ERI3: variants seen among roughly 807,000 people sequenced by gnomAD.
ERI3 encodes the protein ERI1 exoribonuclease family member 3, also known as ERI1 exoribonuclease 3.
In ERI3, 18 loss-of-function variants were observed where a neutral mutation model predicts 44.4. That is an observed-to-expected ratio of 0.41 (90% CI 0.28 to 0.60). The LOEUF is 0.60. ERI3 is among the 20% of genes least tolerant of loss of function. The probability of loss-of-function intolerance (pLI) is 0.36; values close to 1 mark genes in which losing one functional copy is unlikely to be tolerated. For synonymous variants in ERI3, 183 were observed against 164.8 expected, an observed-to-expected ratio of 1.11 and a Z score of -0.84; for missense variants, 294 against 435.5, an observed-to-expected ratio of 0.68 and a Z score of 2.89.
intron 2 of ERI3, among the ~76,000 whole-genome samples, chr1:44,345,862 C>A (rs1278242752): frequency 1.3e-5 from 2 of 152,186 alleles, no homozygotes; most frequent in Admixed American, 6.5e-5. Flanking sequence ...AAGGTTCACA[C>A]TGCAAGAAAT....
chr1:44,264,332 G>A (rs964258743), intron 7 of ERI3, among the ~76,000 whole-genome samples: 8 of 151,870 alleles, frequency 5.3e-5, no homozygotes, highest in South Asian at 2.1e-4. Flanking sequence ...CCGCCCACCC[G>A]CACACACCCA....
intron 7 of ERI3, among the ~76,000 whole-genome samples, chr1:44,262,723 G>A (rs757274929): frequency 3.2e-4 from 48 of 152,350 alleles, no homozygotes; most frequent in Non-Finnish European, 4.9e-4. Context: ...ACAATGCCTT[G>A]TGAGGTACAG....
At chr1:44,345,752 C>G (rs951389411) in intron 2 of ERI3, among the ~76,000 whole-genome samples, 1 of 152,214 alleles carries the variant, frequency 6.6e-6, no homozygotes. Context: ...AGAGCACTCT[C>G]TGTGTGAAAA....
intron 8 of ERI3, among the ~76,000 whole-genome samples, chr1:44,227,474 G>C (rs554543345): frequency 6.6e-6 from 1 of 152,316 alleles, no homozygotes; most frequent in Admixed American, 6.5e-5. Flanking sequence ...TGAGAGCAAA[G>C]TGCCAGTGCC....
At chr1:44,327,739 G>C (rs1329147796) in intron 3 of ERI3, among the ~76,000 whole-genome samples, 24 of 152,186 alleles carry the variant, frequency 1.6e-4, no homozygotes, top group Non-Finnish European at 1.5e-5. Context: ...TCTGGGACTT[G>C]GGCACATGCA....
chr1:44,299,484 C>A (rs963092865), intron 6 of ERI3, among the ~76,000 whole-genome samples: 1 of 152,110 alleles, frequency 6.6e-6, no homozygotes, highest in East Asian at 1.9e-4. Flanking sequence ...CTATACCAGA[C>A]CTCAATTTTT....
At chr1:44,346,222 T>C (rs918200347) in intron 2 of ERI3, among the ~76,000 whole-genome samples, 1 of 152,090 alleles carries the variant, frequency 6.6e-6, no homozygotes, top group Non-Finnish European at 1.5e-5. Context: ...CTCCCCCAAC[T>C]CAGAAGCAGC....
At chr1:44,281,932 ATTC>A (rs1645299656) in intron 7 of ERI3, among the ~76,000 whole-genome samples, 1 of 111,944 alleles carries the variant, frequency 8.9e-6, no homozygotes. Flanking sequence ...GTGTGTATGT[ATTC>A]TTCAGGCCCC....
chr1:44,330,230 G>C (rs913980353), intron 3 of ERI3, among the ~76,000 whole-genome samples: 2 of 152,100 alleles, frequency 1.3e-5, no homozygotes, highest in Non-Finnish European at 1.5e-5. Context: ...TTTACTTTCA[G>C]CAACGTCGGC....
At chr1:44,282,592 C>G (rs1231048815) in intron 7 of ERI3, among the ~76,000 whole-genome samples, 1 of 152,196 alleles carries the variant, frequency 6.6e-6, no homozygotes, top group Non-Finnish European at 1.5e-5. Flanking sequence ...TACCATGCCC[C>G]TGGGCCTCCA....
At chr1:44,322,663 C>T (rs1194431421) in intron 3 of ERI3, 18 of 1,489,918 alleles carry the variant, frequency 1.2e-5, no homozygotes, top group Admixed American at 4.7e-5. Flanking sequence ...AAAAGAGAAG[C>T]TTCTGAGAAA....
chr1:44,304,217 C>A (rs1237946254), intron 6 of ERI3, among the ~76,000 whole-genome samples: 2 of 152,014 alleles, frequency 1.3e-5, no homozygotes, highest in Admixed American at 6.6e-5. Context: ...GATTTCTTTT[C>A]TCCAGTTGGA....
intron 8 of ERI3, among the ~76,000 whole-genome samples, chr1:44,226,113 T>A (rs1279961061): frequency 6.6e-6 from 1 of 151,960 alleles, no homozygotes; most frequent in African/African-American, 2.4e-5. Flanking sequence ...CCCACCTTGT[T>A]AGGGCTGGGG....
At chr1:44,279,413 A>G (rs1645242503) in intron 7 of ERI3, among the ~76,000 whole-genome samples, 1 of 152,044 alleles carries the variant, frequency 6.6e-6, no homozygotes, top group Admixed American at 6.6e-5. Context: ...TTTTGTAGAG[A>G]TGAGGTCTCA....
chr1:44,226,838 A>C (rs1644056443), intron 8 of ERI3, among the ~76,000 whole-genome samples: 1 of 149,296 alleles, frequency 6.7e-6, no homozygotes, highest in Non-Finnish European at 1.5e-5. Flanking sequence ...TTTTCTTCTA[A>C]TACTTTCAGT....
chr1:44,321,171 G>A (rs1557849864), intron 3 of ERI3, among the ~76,000 whole-genome samples: 1 of 152,184 alleles, frequency 6.6e-6, no homozygotes, highest in Non-Finnish European at 1.5e-5. Flanking sequence ...TATTGGGCTT[G>A]TTTTTAAAGC....
chr1:44,281,876 A>ATGTGTGTG lies in ERI3; in HGVS notation c.831+2958_831+2959insCACACACA, dbSNP rs1491326880. Among the ~76,000 whole-genome samples, 10 of 96,860 alleles carry ATGTGTGTG rather than the reference A, an allele frequency of 1.0e-4. No individual in the cohort carries two copies. In the South Asian group the frequency reaches 1.1e-3, roughly 10 times the overall value. 63.5% of individuals were successfully genotyped at this position (96,860 alleles called of 152,430 possible). A position where few individuals can be genotyped will look rare whatever the true frequency, so the allele number is the denominator to read the frequency against. On this transcript the variant is annotated intron_variant, in intron 7 of 8. Transcript: ENST00000372257. ...TACATGTGTATATTTATACATGTGC[A>ATGTGTGTG]TATGTGTGTGTGTGTGTGTGTGTGT...
At chr1:44,342,065 C>T (rs1646664747) in intron 2 of ERI3, among the ~76,000 whole-genome samples, 1 of 152,148 alleles carries the variant, frequency 6.6e-6, no homozygotes, top group African/African-American at 2.4e-5. Flanking sequence ...TTCCTCTTCC[C>T]TTCCTGAAAA....
At chr1:44,245,359 C>A (rs890992320) in intron 8 of ERI3, among the ~76,000 whole-genome samples, 1 of 152,174 alleles carries the variant, frequency 6.6e-6, no homozygotes, top group African/African-American at 2.4e-5. Context: ...CATTCAAAGA[C>A]TACAAAGACC....
Sources: allele counts gnomAD v4.1 joint callset (sites outside exome capture counted in the v4.1 genomes callset), GRCh38; gene constraint gnomAD v4.1.1; transcripts MANE v1.5; gene names NCBI Gene and HGNC (gene_info 2026-07-23, HGNC 2026-07-21).